The following CIMIP2B variants were observed in gnomAD, a reference collection of about 807,000 sequenced individuals.
The protein encoded by CIMIP2B is ciliary microtubule inner protein 2B, also known as family with sequence similarity 166 member B.
chr9:35,562,823 T>A, the CIMIP2B span: 2 of 1,611,890 alleles, frequency 1.2e-6, no homozygotes, highest in African/African-American at 2.7e-5. Context: ...GGACACACAG[T>A]AAGACCCCCA....
At chr9:35,562,463 TG>T in the CIMIP2B span, 1 of 1,584,638 alleles carries the variant, frequency 6.3e-7, no homozygotes, top group Non-Finnish European at 8.6e-7. Context: ...TTTGGGGTCC[TG>T]GGCACTGCCT....
the CIMIP2B span, chr9:35,562,442 G>T: frequency 1.5e-3 from 2,339 of 1,575,650 alleles, 33 homozygotes; most frequent in African/African-American, 0.028. Flanking sequence ...TCTGGGAAGT[G>T]GGGGGAGATG....
At chr9:35,563,877 C>A in the CIMIP2B span, 3 of 1,549,062 alleles carry the variant, frequency 1.9e-6, no homozygotes, top group Non-Finnish European at 8.9e-7. Flanking sequence ...AGGCTCTGGT[C>A]TGTGTGTACC....
chr9:35,562,738 A>G, the CIMIP2B span: 1 of 1,613,014 alleles, frequency 6.2e-7, no homozygotes, highest in Non-Finnish European at 8.5e-7. Context: ...ACAATCTCCC[A>G]AGGAGGTGGA....
the CIMIP2B span, chr9:35,563,850 T>C: frequency 1.2e-6 from 2 of 1,612,100 alleles, no homozygotes; most frequent in South Asian, 1.1e-5. Flanking sequence ...CATTTCCTTT[T>C]GTTTGCCTTT....
At chr9:35,562,004 G>A in the CIMIP2B span, 2 of 1,356,378 alleles carry the variant, frequency 1.5e-6, no homozygotes, top group Non-Finnish European at 9.7e-7. Context: ...GATGTCCAGT[G>A]GCCTAAGCCA....
At chr9:35,563,368 T>A in the CIMIP2B span, 1 of 1,612,902 alleles carries the variant, frequency 6.2e-7, no homozygotes, top group East Asian at 2.2e-5. Context: ...TGAACCGAAG[T>A]AGTGGGCAGT....
chr9:35,563,812 G>A, the CIMIP2B span: 1 of 1,614,042 alleles, frequency 6.2e-7, no homozygotes, highest in Non-Finnish European at 8.5e-7. Flanking sequence ...TGGTATGAAG[G>A]TGCTGGCCAC....
At chr9:35,561,908 T>G in the CIMIP2B span, 1 of 681,392 alleles carries the variant, frequency 1.5e-6, no homozygotes, top group Non-Finnish European at 2.5e-6. Context: ...ATTTTCTCTT[T>G]GTGTTCCCCC....
At chr9:35,561,927 A>G in the CIMIP2B span, 1 of 192,552 alleles carries the variant, frequency 5.2e-6, no homozygotes, top group Non-Finnish European at 9.8e-6. Flanking sequence ...CCACCCTCCC[A>G]CCCTCCCACC....
chr9:35,563,675 T>C, the CIMIP2B span: 1 of 1,243,694 alleles, frequency 8.0e-7, no homozygotes, highest in South Asian at 1.3e-5. Context: ...AACCAACCTG[T>C]CCGCTTGGCC....
chr9:35,562,208 C>T, the CIMIP2B span: 2 of 1,024,062 alleles, frequency 2.0e-6, no homozygotes, highest in Non-Finnish European at 2.8e-6. Context: ...CCCTAATTCC[C>T]CACTGTGGGT....
chr9:35,562,151 A>G, the CIMIP2B span: 8 of 1,348,280 alleles, frequency 5.9e-6, no homozygotes, highest in East Asian at 2.0e-4. Context: ...AAGCCATTTA[A>G]TTCTCAGCCA....
chr9:35,561,934 C>CCACA, the CIMIP2B span: 1 of 498,772 alleles, frequency 2.0e-6, no homozygotes, highest in Non-Finnish European at 3.8e-6. Flanking sequence ...CCCACCCTCC[C>CCACA]ACCCACCTCT....
the CIMIP2B span, chr9:35,561,857 T>A: frequency 4.6e-6 from 3 of 650,628 alleles, no homozygotes; most frequent in South Asian, 1.8e-5. Context: ...TTTATTTATT[T>A]ATTATACCTA....
chr9:35,562,376 T>C, the CIMIP2B span: 9 of 1,466,002 alleles, frequency 6.1e-6, no homozygotes, highest in Non-Finnish European at 8.1e-6. Flanking sequence ...GGGGCTCTTC[T>C]CACCTGGCAC....
chr9:35,562,290 A>T, the CIMIP2B span: 1 of 1,162,696 alleles, frequency 8.6e-7, no homozygotes, highest in Non-Finnish European at 1.2e-6. Flanking sequence ...CATATCTATT[A>T]GTTTCAACCC....
At chr9:35,561,938 CACCTCTCTCCCTT>C in the CIMIP2B span, 12 of 417,914 alleles carry the variant, frequency 2.9e-5, no homozygotes, top group Non-Finnish European at 5.1e-5. Flanking sequence ...CCCTCCCACC[CACCTCTCTCCCTT>C]CCAAAAGGAT....
chr9:35,563,680 T>C, the CIMIP2B span: 1 of 1,305,556 alleles, frequency 7.7e-7, no homozygotes, highest in South Asian at 1.2e-5. Context: ...ACCTGTCCGC[T>C]TGGCCCCATG....
Sources: gnomAD v4.1 joint callset for allele counts on GRCh38, gnomAD v4.1.1 for gene constraint, MANE v1.5 for transcripts, NCBI Gene and HGNC (gene_info 2026-07-23, HGNC 2026-07-21) for gene names.